ERBB4: variants seen among roughly 807,000 people sequenced by gnomAD.
ERBB4 encodes the protein erb-b2 receptor tyrosine kinase 4.
Under a neutral mutation model 158.0 loss-of-function variants are expected in ERBB4, and 42 were observed. The observed-to-expected ratio is 0.27, with a 90% CI of 0.21 to 0.34. The LOEUF (loss-of-function observed/expected upper bound fraction) is 0.34, where lower values mean the gene tolerates loss of function less well. Among genes scored for constraint, ERBB4 ranks in the 10% least tolerant of loss-of-function variants. ERBB4 has a pLI of 1.00. For missense variants in ERBB4, 1,333 were observed against 1,624.1 expected, an observed-to-expected ratio of 0.82 and a Z score of 3.08; for synonymous variants, 583 against 558.7, an observed-to-expected ratio of 1.04 and a Z score of -0.61.
chr2:211,751,123 G>C (rs1375569649), intron 4 of ERBB4, among the ~76,000 whole-genome samples: 1 of 152,114 alleles, frequency 6.6e-6, no homozygotes, highest in Non-Finnish European at 1.5e-5. Flanking sequence ...TTAAAAATAA[G>C]TGGAAATCTA....
chr2:211,519,427 C>T (rs143896397), intron 20 of ERBB4, among the ~76,000 whole-genome samples: 4 of 152,176 alleles, frequency 2.6e-5, no homozygotes, highest in Admixed American at 1.3e-4. Context: ...TCCTCCACTG[C>T]CATGGGTACC....
intron 3 of ERBB4, among the ~76,000 whole-genome samples, chr2:211,863,448 G>C (rs1240631538): frequency 6.6e-6 from 1 of 152,186 alleles, no homozygotes; most frequent in Non-Finnish European, 1.5e-5. Flanking sequence ...TCTTGCTATT[G>C]CTCACTTTTT....
Position 211,557,158 on chromosome 2 carries a change from A to C in ERBB4, c.2487+4745T>G, listed in dbSNP as rs909423338. ...GCATTGTAAAACCCAAAACTATAAA[A>C]ACCATGGAAGACAACGTAGACAATA... is the stretch of plus-strand genomic sequence containing the variant. On this transcript the variant is annotated intron_variant, in intron 20 of 27. Coordinates refer to ENST00000342788, the MANE Select transcript of ERBB4 (RefSeq NM_005235.3). Among the ~76,000 whole-genome samples, 49 of 152,184 alleles carry C rather than the reference A, an allele frequency of 3.2e-4. 1 individual carries two copies. Among genetic ancestry groups the C allele is most frequent in the African/African-American group, 1.0e-3 (43 of 41,436 alleles).
chr2:211,839,255 G>GAAAGAAAGA (rs1386132703), intron 3 of ERBB4, among the ~76,000 whole-genome samples: 47 of 151,158 alleles, frequency 3.1e-4, no homozygotes, highest in African/African-American at 1.1e-3. Flanking sequence ...AGAAAAGAAA[G>GAAAGAAAGA]AAAGAAAGAC....
intron 1 of ERBB4, among the ~76,000 whole-genome samples, chr2:212,175,727 C>T (rs528870849): frequency 1.3e-5 from 2 of 151,548 alleles, no homozygotes; most frequent in Non-Finnish European, 2.9e-5. Context: ...AAATATTTTA[C>T]CTCTCCAAGT....
intron 1 of ERBB4, among the ~76,000 whole-genome samples, chr2:212,179,529 C>T (rs973731644): frequency 2.0e-5 from 3 of 151,390 alleles, no homozygotes; most frequent in African/African-American, 7.3e-5. Context: ...TATATTAACA[C>T]GGAGTAGAAA....
chr2:211,916,287 C>T (rs1328635585), intron 3 of ERBB4, among the ~76,000 whole-genome samples: 2 of 152,058 alleles, frequency 1.3e-5, no homozygotes, highest in African/African-American at 4.8e-5. Flanking sequence ...TCAAGTGATT[C>T]TCCTTCCTCA....
At chr2:211,784,224 C>T (rs1002020130) in intron 4 of ERBB4, among the ~76,000 whole-genome samples, 1 of 152,206 alleles carries the variant, frequency 6.6e-6, no homozygotes, top group Admixed American at 6.5e-5. Flanking sequence ...TGAGCAATTG[C>T]AACTTGACTC....
chr2:212,055,453 G>C (rs2077530460), intron 2 of ERBB4, among the ~76,000 whole-genome samples: 2 of 152,202 alleles, frequency 1.3e-5, no homozygotes, highest in South Asian at 4.1e-4. Context: ...CACAGAGTCT[G>C]AGATCTGAGA....
chr2:212,099,991 C>T (rs973814416), intron 2 of ERBB4, among the ~76,000 whole-genome samples: 1 of 152,148 alleles, frequency 6.6e-6, no homozygotes, highest in African/African-American at 2.4e-5. Context: ...GATAAATTCA[C>T]TATAGTTTTA....
At chr2:212,057,842 T>C (rs918188050) in intron 2 of ERBB4, among the ~76,000 whole-genome samples, 3 of 152,058 alleles carry the variant, frequency 2.0e-5, no homozygotes, top group Non-Finnish European at 4.4e-5. Context: ...AGATCTAAAA[T>C]TGACACCCTA....
At chr2:211,589,037 A>C (rs952412951) in intron 19 of ERBB4, among the ~76,000 whole-genome samples, 4 of 152,172 alleles carry the variant, frequency 2.6e-5, no homozygotes, top group Non-Finnish European at 5.9e-5. Context: ...ACTGTGTTCA[A>C]ATCCTGAAAA....
intron 2 of ERBB4, among the ~76,000 whole-genome samples, chr2:212,114,694 A>T (rs1575653748): frequency 6.6e-6 from 1 of 152,150 alleles, no homozygotes; most frequent in African/African-American, 2.4e-5. Flanking sequence ...TGTTGAAACA[A>T]CCCTCACAAA....
intron 2 of ERBB4, among the ~76,000 whole-genome samples, chr2:212,036,961 T>C (rs1266175823): frequency 6.6e-6 from 1 of 152,186 alleles, no homozygotes; most frequent in Non-Finnish European, 1.5e-5. Flanking sequence ...AGCTAGATTT[T>C]ATCAACTTGG....
intron 4 of ERBB4, among the ~76,000 whole-genome samples, chr2:211,771,330 T>C (rs1215133116): frequency 6.6e-6 from 1 of 152,188 alleles, no homozygotes; most frequent in Non-Finnish European, 1.5e-5. Flanking sequence ...CAAGCTATGG[T>C]CATAAAGAAG....
In ERBB4 at chr2:211,682,085, C is replaced by CACACACACACACACACAT. The variant is rs59564874; in HGVS notation, c.1490-2902_1490-2901insATGTGTGTGTGTGTGTGT. Among the ~76,000 whole-genome samples the CACACACACACACACACAT allele has an allele frequency of 4.1e-3, 610 of 149,828 alleles. 7 individuals carry two copies. The highest frequency in any genetic ancestry group is 0.014 in the African/African-American group (577 of 40,340). ...ACACACACACACACACACACACACA[C>CACACACACACACACACAT]ACACACAATTGGCTCACACAAGCAG... On this transcript the variant is annotated intron_variant, in intron 12 of 27. Transcript: ENST00000342788.
intron 20 of ERBB4, among the ~76,000 whole-genome samples, chr2:211,476,934 G>T (rs1275843207): frequency 6.6e-6 from 1 of 152,044 alleles, no homozygotes; most frequent in East Asian, 1.9e-4. Flanking sequence ...AAGAGTGCAG[G>T]GAGGGATAAA....
At chr2:212,039,466 T>C (rs970022535) in intron 2 of ERBB4, among the ~76,000 whole-genome samples, 57 of 152,166 alleles carry the variant, frequency 3.7e-4, no homozygotes, top group Non-Finnish European at 4.4e-4. Flanking sequence ...ACCTCTTTCA[T>C]TATAGATTGA....
At chr2:212,010,844 G>A (rs929762161) in intron 2 of ERBB4, among the ~76,000 whole-genome samples, 1 of 152,034 alleles carries the variant, frequency 6.6e-6, no homozygotes, top group African/African-American at 2.4e-5. Flanking sequence ...CCCCAGGAAT[G>A]CATTCCTTTC....
Sources: gnomAD v4.1 joint callset for allele counts (sites outside exome capture counted in the v4.1 genomes callset) on GRCh38, gnomAD v4.1.1 for gene constraint, MANE v1.5 for transcripts, NCBI Gene and HGNC (gene_info 2026-07-23, HGNC 2026-07-21) for gene names.